SLC25A19: variants seen among roughly 807,000 people sequenced by gnomAD.
SLC25A19 encodes the protein mitochondrial thiamine pyrophosphate carrier.
In SLC25A19, 18 loss-of-function variants were observed where a neutral mutation model predicts 27.9. The ratio of observed to expected loss-of-function variants is 0.64; its 90% CI spans 0.45 to 0.96. The LOEUF (loss-of-function observed/expected upper bound fraction) is 0.96, where lower values mean the gene tolerates loss of function less well. Among genes scored for constraint, SLC25A19 ranks in the 40% least tolerant of loss-of-function variants. The probability of loss-of-function intolerance (pLI) is 0.00; values close to 1 mark genes in which losing one functional copy is unlikely to be tolerated. For missense variants in SLC25A19, 371 were observed against 418.3 expected, an observed-to-expected ratio of 0.89 and a Z score of 0.99; for synonymous variants, 169 against 167.1, an observed-to-expected ratio of 1.01 and a Z score of -0.09.
Position 75,286,362 on chromosome 17 carries a change from G to A in SLC25A19, c.230C>T (p.Ala77Val). Residue 77 changes from alanine to valine, a missense_variant, in exon 4 of 8, where the codon GCT becomes GTT. Coordinates refer to ENST00000416858, the MANE Select transcript of SLC25A19 (RefSeq NM_001126121.2). ...AGCTGGGACGTGTCCTTTCCAGAAA[G>A]CTGTCGGACCCTCCTCCTGCAGAAT... is the stretch of plus-strand genomic sequence containing the variant. ...RQILQEEGPT[A>V]FWKGHVPAQI... 6.2e-7 allele frequency: 1 copy of A among 1,614,162 alleles called. No individual in the cohort carries two copies. Among genetic ancestry groups the A allele is most frequent in the East Asian group, 2.2e-5 (1 of 44,882 alleles).
chr17:75,278,696 G>A (rs1190126614), intron 5 of SLC25A19, among the ~76,000 whole-genome samples: 1 of 152,096 alleles, frequency 6.6e-6, no homozygotes, highest in Non-Finnish European at 1.5e-5. Context: ...AAACAGGAAG[G>A]TGAGGCCAGG....
At chr17:75,275,817 A>C (rs893977035) in intron 7 of SLC25A19, among the ~76,000 whole-genome samples, 8 of 152,024 alleles carry the variant, frequency 5.3e-5, no homozygotes, top group Non-Finnish European at 1.0e-4. Context: ...TCTTCTAAAA[A>C]TACAAAAATT....
At chr17:75,276,662 C>T (rs2077895465) in intron 7 of SLC25A19, among the ~76,000 whole-genome samples, 1 of 149,512 alleles carries the variant, frequency 6.7e-6, no homozygotes, top group Non-Finnish European at 1.5e-5. Flanking sequence ...GCCACCACGT[C>T]CACGCCCAGC....
rs922284797 is a variant in SLC25A19, at chr17:75,283,326, AAAAT to A, written c.459+93_459+96del. The A allele has an allele frequency of 6.4e-5, 84 of 1,312,046 alleles. 1 individual carries two copies. The highest frequency in any genetic ancestry group is 2.7e-4 in the Middle Eastern group (1 of 3,660). 81.3% of individuals were successfully genotyped at this position (1,312,046 alleles called of 1,614,324 possible). On this transcript the variant is annotated intron_variant, in intron 5 of 7. Transcript: ENST00000416858. ...AAACAAAACAAAACAGAACAAAACA[AAAAT>A]AAATAAATAAATAAATAAAAAATAA... is the stretch of plus-strand genomic sequence containing the variant.
At chr17:75,280,370 T>TAAAAATAAAGAA (rs1328238719) in intron 5 of SLC25A19, among the ~76,000 whole-genome samples, 1 of 150,106 alleles carries the variant, frequency 6.7e-6, no homozygotes, top group African/African-American at 2.5e-5. Context: ...GACTCTGCCT[T>TAAAAATAAAGAA]AAAAATAAAG....
At chr17:75,283,831 G>A (rs2078115204) in intron 4 of SLC25A19, among the ~76,000 whole-genome samples, 2 of 152,080 alleles carry the variant, frequency 1.3e-5, no homozygotes, top group African/African-American at 4.8e-5. Context: ...GAAGATATAT[G>A]GGGGCCAGGT....
chr17:75,281,111 G>T (rs2078029735), intron 5 of SLC25A19, among the ~76,000 whole-genome samples: 1 of 152,114 alleles, frequency 6.6e-6, no homozygotes, highest in African/African-American at 2.4e-5. Context: ...AAGATTGCTT[G>T]AGCCCAGGAG....
chr17:75,282,859 T>A lies in SLC25A19; in HGVS notation c.459+564A>T, dbSNP rs558967364. ...GAGTGAGACTCTGTCTCAAAAAAAATAAATAAATAACTAAAAATAAAAATA... is the reference window on the plus strand; with the variant it reads ...GAGTGAGACTCTGTCTCAAAAAAAAAAAATAAATAACTAAAAATAAAAATA... On this transcript the variant is annotated intron_variant, in intron 5 of 7. Transcript: ENST00000416858. Among the ~76,000 whole-genome samples, 88 of 147,232 alleles carry A rather than the reference T, an allele frequency of 6.0e-4. No individual in the cohort carries two copies. In the East Asian group the frequency reaches 8.4e-3, roughly 14 times the overall value.
Position 75,284,487 on chromosome 17 carries a change from C to T in SLC25A19, c.289-894G>A, listed in dbSNP as rs184739703. ...TTAGTTTTCTGAGAACTGGGGAAGA[C>T]GGCCATGCTCTGATTCCTGCAGGGA... On this transcript the variant is annotated intron_variant, in intron 4 of 7. Coordinates refer to ENST00000416858, the MANE Select transcript of SLC25A19 (RefSeq NM_001126121.2). 3.1e-3 allele frequency among the ~76,000 whole-genome samples: 466 copies of T among 152,230 alleles called. 6 individuals carry two copies. Among genetic ancestry groups the T allele is most frequent in the African/African-American group, 0.011 (450 of 41,536 alleles).
At chr17:75,278,460 A>G in intron 5 of SLC25A19, 125 bp from the exon 6 acceptor site, 1 of 1,046,484 alleles carries the variant, frequency 9.6e-7, no homozygotes, top group Non-Finnish European at 1.4e-6. Flanking sequence ...CCTGCCAGGA[A>G]GACAGTCAAG....
intron 4 of SLC25A19, 24 bp from the exon 5 acceptor site, chr17:75,283,617 A>G (rs2145772404): frequency 1.1e-5 from 17 of 1,609,742 alleles, no homozygotes; most frequent in Non-Finnish European, 1.4e-5. Flanking sequence ...TGAAGAAGTC[A>G]CCGACAGCCC....
chr17:75,274,407 C>T (rs2077811702), intron 7 of SLC25A19, among the ~76,000 whole-genome samples: 1 of 152,160 alleles, frequency 6.6e-6, no homozygotes, highest in Non-Finnish European at 1.5e-5. Context: ...CCTGGCTTCC[C>T]TCCAAAAGCT....
intron 5 of SLC25A19, among the ~76,000 whole-genome samples, chr17:75,283,164 G>A (rs576134330): frequency 1.3e-5 from 2 of 151,174 alleles, no homozygotes; most frequent in African/African-American, 2.4e-5. Context: ...AGCCAGGCGT[G>A]GTGGCGGGTG....
chr17:75,274,380 G>C (rs1247737585), intron 7 of SLC25A19, among the ~76,000 whole-genome samples: 1 of 152,046 alleles, frequency 6.6e-6, no homozygotes, highest in Non-Finnish European at 1.5e-5. Context: ...TCATCCCCAG[G>C]CACAACCCTC....
chr17:75,278,099 G>C, intron 6 of SLC25A19, 53 bp downstream of exon 6: 1 of 1,583,140 alleles, frequency 6.3e-7, no homozygotes, highest in Non-Finnish European at 8.7e-7. Context: ...TTGGAAGGGG[G>C]TGTTCTGGTG....
chr17:75,286,184 A>G (rs960204699), intron 4 of SLC25A19, 120 bp downstream of exon 4: 23 of 1,247,284 alleles, frequency 1.8e-5, no homozygotes, highest in Admixed American at 8.4e-5. Flanking sequence ...GCAGGTGGGA[A>G]GCGTGGGGCC....
intron 4 of SLC25A19, among the ~76,000 whole-genome samples, chr17:75,284,304 G>C (rs1216646362): frequency 6.6e-6 from 1 of 152,194 alleles, no homozygotes; most frequent in African/African-American, 2.4e-5. Flanking sequence ...TTGGGAGGCT[G>C]AGGCAGAAGA....
chr17:75,286,863 T>C (rs2078197585), intron 2 of SLC25A19, 61 bp from the exon 3 acceptor site: 2 of 1,494,372 alleles, frequency 1.3e-6, no homozygotes, highest in Non-Finnish European at 9.2e-7. Flanking sequence ...TGCTCAAATA[T>C]CACCTCCTCA....
chr17:75,284,396 C>G (rs757503043), intron 4 of SLC25A19, among the ~76,000 whole-genome samples: 1 of 152,154 alleles, frequency 6.6e-6, no homozygotes, highest in Non-Finnish European at 1.5e-5. Context: ...GAGTGAGACT[C>G]TGTCTCAAGA....
Sources: allele counts gnomAD v4.1 joint callset (sites outside exome capture counted in the v4.1 genomes callset), GRCh38; gene constraint gnomAD v4.1.1; transcripts MANE v1.5; gene names NCBI Gene and HGNC (gene_info 2026-07-23, HGNC 2026-07-21).